CSNK1G3: variants seen among roughly 807,000 people sequenced by gnomAD.
CSNK1G3 encodes casein kinase I isoform gamma-3.
A neutral mutation model predicts 64.3 loss-of-function variants in CSNK1G3; 23 were observed. The observed-to-expected ratio is 0.36, with a 90% confidence interval of 0.26 to 0.51. The LOEUF (loss-of-function observed/expected upper bound fraction) is 0.51, where lower values mean the gene tolerates loss of function less well. CSNK1G3 is among the 20% of genes least tolerant of loss of function. The pLI is 0.96. For missense variants in CSNK1G3, 357 were observed against 510.5 expected, an observed-to-expected ratio of 0.70 and a Z score of 2.90; for synonymous variants, 158 against 162.2, an observed-to-expected ratio of 0.97 and a Z score of 0.20.
intron 8 of CSNK1G3, among the ~76,000 whole-genome samples, chr5:123,590,184 A>G (rs550186558): frequency 6.6e-6 from 1 of 152,234 alleles, no homozygotes; most frequent in East Asian, 1.9e-4. Context: ...TGAAGCAAAA[A>G]TAGTGGTTGT....
chr5:123,584,612 A>C (rs577422095), intron 6 of CSNK1G3, among the ~76,000 whole-genome samples: 2 of 152,160 alleles, frequency 1.3e-5, no homozygotes, highest in African/African-American at 4.8e-5. Context: ...TGTTGGTAAC[A>C]GGGTAATGCA....
intron 1 of CSNK1G3, among the ~76,000 whole-genome samples, chr5:123,534,907 G>A (rs770330960): frequency 1.4e-4 from 22 of 152,084 alleles, no homozygotes; most frequent in Non-Finnish European, 2.6e-4. Flanking sequence ...CAAGTGTGTT[G>A]TGTTGTTCAG....
At chr5:123,531,545 TTAG>T (rs1779939189) in intron 1 of CSNK1G3, among the ~76,000 whole-genome samples, 1 of 152,064 alleles carries the variant, frequency 6.6e-6, no homozygotes, top group Admixed American at 6.6e-5. Flanking sequence ...TTTATCTTTA[TTAG>T]TAGATATTAC....
At chr5:123,595,226 T>C (rs906060847) in intron 10 of CSNK1G3, 92 bp downstream of exon 11, 13 of 1,186,310 alleles carry the variant, frequency 1.1e-5, no homozygotes, top group Non-Finnish European at 1.6e-5. Flanking sequence ...CATATCTTAA[T>C]GGAAAATTTG....
intron 10 of CSNK1G3, among the ~76,000 whole-genome samples, chr5:123,601,105 A>T (rs1794419538): frequency 6.6e-6 from 1 of 152,020 alleles, no homozygotes; most frequent in South Asian, 2.1e-4. Context: ...TATTTCAGAG[A>T]CTCATCTTCT....
At chr5:123,579,098 T>G (rs1265612523) in intron 6 of CSNK1G3, among the ~76,000 whole-genome samples, 1 of 151,894 alleles carries the variant, frequency 6.6e-6, no homozygotes, top group Non-Finnish European at 1.5e-5. Flanking sequence ...AATCCAACTT[T>G]CAAATCCTGA....
intron 1 of CSNK1G3, among the ~76,000 whole-genome samples, chr5:123,523,086 A>G (rs1778420527): frequency 6.6e-6 from 1 of 152,122 alleles, no homozygotes; most frequent in African/African-American, 2.4e-5. Flanking sequence ...ATTGAGCTGT[A>G]TTTTTTATGG....
intron 1 of CSNK1G3, among the ~76,000 whole-genome samples, chr5:123,535,741 T>A (rs944348158): frequency 6.6e-6 from 1 of 152,136 alleles, no homozygotes; most frequent in Admixed American, 6.6e-5. Flanking sequence ...TGATTTCTTG[T>A]CATGTATCTT....
At chr5:123,605,462 G>A (rs1795203496) in intron 12 of CSNK1G3, 100 bp downstream of exon 13, 3 of 1,237,390 alleles carry the variant, frequency 2.4e-6, no homozygotes, top group Admixed American at 4.0e-5. Flanking sequence ...TCTCAACACA[G>A]TGATTATAAT....
rs756274442 is a variant in CSNK1G3 at position 123,614,336 on chromosome 5, C to G, written c.1218-6C>G. On this transcript the variant is annotated splice_polypyrimidine_tract_variant and splice_region_variant and intron_variant, in intron 12 of 12. Transcript: ENST00000345990. The stretch of plus-strand genomic sequence containing the variant: ...AAAATAAAAAGAGTGTTTCCCTCAT[C>G]TGCAGGTGCTGCTGTTTTTTCAAAC... 4 of 1,612,580 alleles carry G rather than the reference C, an allele frequency of 2.5e-6. No homozygotes were observed. In the African/African-American group the frequency reaches 5.3e-5, roughly 22 times the overall value.
At chr5:123,513,208 A>G (rs1776563695) in intron 1 of CSNK1G3, among the ~76,000 whole-genome samples, 1 of 152,166 alleles carries the variant, frequency 6.6e-6, no homozygotes, top group Non-Finnish European at 1.5e-5. Context: ...GGTTACTCTC[A>G]TGGTGCCGGT....
chr5:123,612,205 C>T (rs1049735743), intron 12 of CSNK1G3, among the ~76,000 whole-genome samples: 5 of 152,114 alleles, frequency 3.3e-5, no homozygotes, highest in African/African-American at 7.2e-5. Flanking sequence ...TTACATTCCA[C>T]GGTCTAGTCG....
chr5:123,552,603 C>T (rs1003926614), intron 2 of CSNK1G3, among the ~76,000 whole-genome samples: 5 of 152,136 alleles, frequency 3.3e-5, no homozygotes, highest in Non-Finnish European at 7.4e-5. Context: ...TTTATCACAG[C>T]CAATTATTGA....
At chr5:123,613,870 T>C (rs148280514) in intron 12 of CSNK1G3, among the ~76,000 whole-genome samples, 105 of 152,350 alleles carry the variant, frequency 6.9e-4, no homozygotes, top group African/African-American at 2.5e-3. Context: ...TTCTATATAA[T>C]GTATTTTCTG....
chr5:123,595,960 A>G (rs1793366612), intron 10 of CSNK1G3, among the ~76,000 whole-genome samples: 1 of 152,034 alleles, frequency 6.6e-6, no homozygotes, highest in Non-Finnish European at 1.5e-5. Context: ...TTCAATTTAG[A>G]ATTTTTTTTA....
chr5:123,606,098 T>A (rs1795318181), intron 12 of CSNK1G3, among the ~76,000 whole-genome samples: 1 of 152,108 alleles, frequency 6.6e-6, no homozygotes, highest in African/African-American at 2.4e-5. Flanking sequence ...GCACCTTATA[T>A]AATTTTCAAA....
chr5:123,579,679 T>C (rs1789882000), intron 6 of CSNK1G3, among the ~76,000 whole-genome samples: 1 of 152,022 alleles, frequency 6.6e-6, no homozygotes, highest in South Asian at 2.1e-4. Flanking sequence ...GTGAGTGTGA[T>C]ATGTTTGTCA....
intron 4 of CSNK1G3, among the ~76,000 whole-genome samples, chr5:123,573,167 A>G (rs905695288): frequency 6.6e-6 from 1 of 152,212 alleles, no homozygotes; most frequent in Non-Finnish European, 1.5e-5. Context: ...TTATAATGTA[A>G]TTCAGTCATG....
chr5:123,538,540 A>G (rs993662619), intron 1 of CSNK1G3, among the ~76,000 whole-genome samples: 1 of 152,162 alleles, frequency 6.6e-6, no homozygotes, highest in Non-Finnish European at 1.5e-5. Context: ...GTGAGAACAC[A>G]TGGACACAGG....
Sources: gnomAD v4.1 joint callset for allele counts (sites outside exome capture counted in the v4.1 genomes callset) on GRCh38, gnomAD v4.1.1 for gene constraint, MANE v1.5 for transcripts, NCBI Gene and HGNC (gene_info 2026-07-23, HGNC 2026-07-21) for gene names.